The following DNAI3 variants were observed in gnomAD, a reference collection of about 807,000 sequenced individuals.
The protein encoded by DNAI3 is dynein axonemal intermediate chain 3.
In DNAI3, 83 loss-of-function variants were observed where a neutral mutation model predicts 115.5. The ratio of observed to expected loss-of-function variants is 0.72; its 90% CI spans 0.60 to 0.86. The LOEUF (loss-of-function observed/expected upper bound fraction) is 0.86. DNAI3 is among the 40% of genes least tolerant of loss of function. The pLI, the probability that DNAI3 is intolerant of heterozygous loss-of-function variation, is 0.00. For missense variants in DNAI3, 1,004 were observed against 1,075.8 expected (o/e 0.93, Z 0.93); for synonymous variants, 320 against 347.0 (o/e 0.92, Z 0.86).
intron 13 of DNAI3, among the ~76,000 whole-genome samples, chr1:85,104,135 T>C (rs529129148): frequency 6.8e-6 from 1 of 147,788 alleles, no homozygotes; most frequent in Non-Finnish European, 1.5e-5. Flanking sequence ...TTTTTTTTTT[T>C]TTTGGGCTGG....
At chr1:85,092,179 T>C (rs7549370) in intron 8 of DNAI3, among the ~76,000 whole-genome samples, 5,533 of 152,154 alleles carry the variant, frequency 0.036, 184 homozygotes, top group African/African-American at 0.094. Context: ...CCAGGTCATG[T>C]TGGTGGTCAC....
intron 16 of DNAI3, 108 bp from the exon 17 acceptor site, chr1:85,117,621 G>A (rs986722990): frequency 1.4e-6 from 2 of 1,455,054 alleles, no homozygotes; most frequent in East Asian, 2.3e-5. Context: ...CATTGGGAAG[G>A]GAATGGGGCA....
At chr1:85,074,631 C>T (rs1323529888) in intron 3 of DNAI3, among the ~76,000 whole-genome samples, 1 of 152,168 alleles carries the variant, frequency 6.6e-6, no homozygotes, top group Non-Finnish European at 1.5e-5. Flanking sequence ...GCTTTCATAG[C>T]ACTTAAAATC....
At chr1:85,075,419 G>C (rs1164740344) in intron 3 of DNAI3, among the ~76,000 whole-genome samples, 1 of 152,094 alleles carries the variant, frequency 6.6e-6, no homozygotes, top group African/African-American at 2.4e-5. Context: ...TTTGCTTAAG[G>C]GAAAGAAAAA....
At chr1:85,104,819 T>G (rs751587837) in intron 14 of DNAI3, among the ~76,000 whole-genome samples, 2 of 137,232 alleles carry the variant, frequency 1.5e-5, no homozygotes, top group Non-Finnish European at 3.1e-5. Context: ...GTTGATAACG[T>G]TGTATAGCAT....
At position 85,084,592 on chromosome 1, in the gene DNAI3, C is replaced by A. The variant is rs1049682367; in HGVS notation, c.437C>A (p.Pro146His). 1 of 1,554,094 alleles carries A rather than the reference C, an allele frequency of 6.4e-7. No homozygotes were observed. The highest frequency in any genetic ancestry group is 8.7e-7 in the Non-Finnish European group (1 of 1,152,000). ...EEQEEYKEHI[P>H]EDVYIYKPPV... ...CAAGAAGAATATAAAGAACATATTC[C>A]TGAAGATGTGTATATTTATAAACCA... Residue 146 changes from proline (P) to histidine (H), a missense_variant, in exon 6 of 23, where the codon CCT becomes CAT. Around this residue, in one of 3 missense-constraint regions of DNAI3, gnomAD observed 550 missense variants for 568.1 expected, o/e 0.97. Coordinates refer to ENST00000294664, the MANE Select transcript of DNAI3 (RefSeq NM_145172.5).
intron 6 of DNAI3, among the ~76,000 whole-genome samples, chr1:85,085,424 A>T (rs552762343): frequency 3.3e-5 from 5 of 152,194 alleles, no homozygotes; most frequent in African/African-American, 1.2e-4. Flanking sequence ...GAACAGGGAT[A>T]TGGAGGAAGG....
Position 85,094,465 on chromosome 1 carries a change from T to A in DNAI3, c.1083T>A (p.Ser361=), listed in dbSNP as rs1184640365. ...CTGTGTCGGTAGCCGTGCGACTTTC[T>A]TTTGAAGACAGAGTTCACTTTTCTG... ...LIAVSVAVRL[S]FEDRVHFSGK... The change falls in exon 10 of 23, where the codon TCT becomes TCA. Residue 361 remains serine (S), a synonymous_variant. Coordinates refer to ENST00000294664, the MANE Select transcript of DNAI3 (RefSeq NM_145172.5). The A allele has an allele frequency of 6.2e-7, 1 of 1,614,204 alleles. No homozygotes were observed. Among genetic ancestry groups the A allele is most frequent in the Admixed American group, 1.7e-5 (1 of 60,022 alleles).
chr1:85,094,578 A>G, intron 10 of DNAI3, 23 bp downstream of exon 10: 2 of 1,610,004 alleles, frequency 1.2e-6, no homozygotes, highest in South Asian at 1.1e-5. Context: ...AGTTGCCTAC[A>G]TAGCCTAAAT....
At chr1:85,091,839 G>C (rs1654985138) in intron 8 of DNAI3, among the ~76,000 whole-genome samples, 1 of 152,168 alleles carries the variant, frequency 6.6e-6, no homozygotes, top group African/African-American at 2.4e-5. Flanking sequence ...CAAGAAACCG[G>C]AAACCAGAAG....
rs757038806 is a variant in DNAI3 at position 85,132,886 on chromosome 1, A to G, written c.2564A>G (p.Gln855Arg). 6.2e-7 allele frequency: 1 copy of G among 1,613,888 alleles called. No homozygotes were observed. Residue 855 changes from glutamine to arginine, a missense_variant, in exon 23 of 23, where the codon CAG (glutamine) becomes CGG (arginine). This residue lies in a region of DNAI3 where 429 missense variants were observed against 454.3 expected (regional missense o/e 0.94). Transcript: ENST00000294664. ...KTYQKSKEQM[Q>R]AELKMDYESY... ...TATCAGAAGTCAAAAGAACAAATGCAGGCTGAATTAAAAATGGACTATGAG... is the reference window on the plus strand; with the variant it reads ...TATCAGAAGTCAAAAGAACAAATGCGGGCTGAATTAAAAATGGACTATGAG...
At chr1:85,080,511 T>C (rs1654607776) in intron 3 of DNAI3, among the ~76,000 whole-genome samples, 1 of 152,072 alleles carries the variant, frequency 6.6e-6, no homozygotes, top group Non-Finnish European at 1.5e-5. Context: ...GATTAGCAGG[T>C]GGGCAGGGCT....
At chr1:85,068,448 T>C (rs1056975556) in intron 1 of DNAI3, among the ~76,000 whole-genome samples, 42 of 152,312 alleles carry the variant, frequency 2.8e-4, no homozygotes, top group African/African-American at 9.1e-4. Context: ...ACTTTTCCCA[T>C]ATCACTTTCA....
At chr1:85,089,082 T>C (rs904811647) in intron 7 of DNAI3, among the ~76,000 whole-genome samples, 5 of 152,192 alleles carry the variant, frequency 3.3e-5, no homozygotes, top group South Asian at 4.1e-4. Context: ...GTGCTGACAT[T>C]TGTTCAACAA....
At chr1:85,103,922 A>T in intron 13 of DNAI3, among the ~76,000 whole-genome samples, 1 of 146,460 alleles carries the variant, frequency 6.8e-6, no homozygotes, top group Non-Finnish European at 1.5e-5. Flanking sequence ...TAATAATAAT[A>T]ATAATAATAA....
chr1:85,111,070 A>G (rs908392045), intron 16 of DNAI3, among the ~76,000 whole-genome samples: 6 of 152,226 alleles, frequency 3.9e-5, no homozygotes, highest in African/African-American at 1.2e-4. Context: ...TAGCAATTGA[A>G]ATATTTCCCA....
chr1:85,111,404 TGGTTA>T (rs1461562138), intron 16 of DNAI3, among the ~76,000 whole-genome samples: 1 of 152,224 alleles, frequency 6.6e-6, no homozygotes, highest in African/African-American at 2.4e-5. Context: ...ATTTGATCAT[TGGTTA>T]TAATGTATCA....
In DNAI3 at chr1:85,084,606, A is replaced by G. The variant is rs1332869110; in HGVS notation, c.451A>G (p.Ile151Val). 1.9e-6 allele frequency: 3 copies of G among 1,575,862 alleles called. No homozygotes were observed. Among genetic ancestry groups the G allele is most frequent in the Admixed American group, 3.7e-5 (2 of 54,674 alleles). Residue 151 changes from isoleucine (I) to valine (V), a missense_variant, in exon 6 of 23, where the codon ATT (isoleucine) becomes GTT (valine). Physicochemically the swap from Ile to Val is conservative, Grantham distance 29 (BLOSUM62 3). This residue lies in a region of DNAI3 where 550 missense variants were observed against 568.1 expected (regional missense o/e 0.97). Coordinates refer to ENST00000294664, the MANE Select transcript of DNAI3 (RefSeq NM_145172.5). ...YKEHIPEDVYIYKPPVSKPWV... is the reference protein window; with the variant it reads ...YKEHIPEDVYVYKPPVSKPWV... The stretch of plus-strand genomic sequence containing the variant: ...AGAACATATTCCTGAAGATGTGTAT[A>G]TTTATAAACCACCTGTCTCTAAACC...
At chr1:85,065,748 A>G (rs1654078613) in intron 1 of DNAI3, among the ~76,000 whole-genome samples, 1 of 152,262 alleles carries the variant, frequency 6.6e-6, no homozygotes, top group African/African-American at 2.4e-5. Context: ...AACTTTCACA[A>G]TGCATTGCAT....
Sources: gnomAD v4.1 joint callset for allele counts (sites outside exome capture counted in the v4.1 genomes callset) on GRCh38, gnomAD v4.1.1 for gene constraint, gnomAD v4.1.1 regional missense constraint, MANE v1.5 for transcripts, NCBI Gene and HGNC (gene_info 2026-07-23, HGNC 2026-07-21) for gene names.